Variants in PSD3 observed in about 807,000 individuals in gnomAD.
The protein encoded by PSD3 is PH and SEC7 domain-containing protein 3.
PSD3 carries 49 observed loss-of-function variants against 105.5 expected under a neutral mutation model. The ratio of observed to expected loss-of-function variants is 0.46; its 90% CI spans 0.37 to 0.59. The LOEUF (loss-of-function observed/expected upper bound fraction) is 0.59. Among genes scored for constraint, PSD3 ranks in the 20% least tolerant of loss-of-function variants. The pLI, the probability that PSD3 is intolerant of heterozygous loss-of-function variation, is 0.00. For synonymous variants in PSD3, 557 were observed against 457.8 expected (o/e 1.22, Z -2.77); for missense variants, 1,561 against 1,263.8 (o/e 1.24, Z -3.57).
At chr8:18,826,596 A>AT (rs1455761449) in intron 4 of PSD3, among the ~76,000 whole-genome samples, 1 of 152,230 alleles carries the variant, frequency 6.6e-6, no homozygotes, top group Non-Finnish European at 1.5e-5. Context: ...TCAAAGAAGG[A>AT]AAGAGTCATA....
intron 2 of PSD3, among the ~76,000 whole-genome samples, chr8:18,892,192 C>CACACAA (rs1406442031): frequency 6.6e-5 from 10 of 150,616 alleles, no homozygotes; most frequent in Non-Finnish European, 1.2e-4. Flanking sequence ...CACACACACA[C>CACACAA]AAACTTTATT....
intron 1 of PSD3, chr8:18,979,526 A>G (rs1226013332): frequency 6.6e-6 from 1 of 152,220 alleles, no homozygotes; most frequent in Non-Finnish European, 1.5e-5. Flanking sequence ...TATTTTTATT[A>G]TTTTACTACT....
At chr8:18,747,933 ACT>A (rs1451900351) in intron 9 of PSD3, among the ~76,000 whole-genome samples, 1 of 152,130 alleles carries the variant, frequency 6.6e-6, no homozygotes, top group African/African-American at 2.4e-5. Context: ...AGGAAAACAA[ACT>A]CTGGCAAGAG....
chr8:18,627,955 CAT>C (rs1308233991), intron 11 of PSD3, among the ~76,000 whole-genome samples: 1 of 151,740 alleles, frequency 6.6e-6, no homozygotes, highest in Admixed American at 6.6e-5. Context: ...TGAAGAAAAA[CAT>C]CAACCTGATA....
At chr8:18,568,045 C>T (rs1403909262) in intron 14 of PSD3, among the ~76,000 whole-genome samples, 2 of 152,170 alleles carry the variant, frequency 1.3e-5, no homozygotes, top group Non-Finnish European at 2.9e-5. Context: ...CCATGTGACA[C>T]ATCTGTTTCC....
chr8:18,546,902 G>C (rs980562297), intron 15 of PSD3, among the ~76,000 whole-genome samples: 1 of 152,142 alleles, frequency 6.6e-6, no homozygotes, highest in African/African-American at 2.4e-5. Flanking sequence ...CCATGGTTCG[G>C]GGATAAGAAT....
At chr8:18,576,918 G>C (rs1802496155) in intron 12 of PSD3, among the ~76,000 whole-genome samples, 1 of 151,248 alleles carries the variant, frequency 6.6e-6, no homozygotes, top group Non-Finnish European at 1.5e-5. Context: ...CTAGGTCCAT[G>C]ATTTAAGCTT....
chr8:19,073,550 C>CAAAAAAAAAAAAAAAAA (rs869154642), intron 1 of PSD3, among the ~76,000 whole-genome samples: 2 of 69,124 alleles, frequency 2.9e-5, no homozygotes, highest in African/African-American at 1.2e-4. Context: ...AACTGTCTCT[C>CAAAAAAAAAAAAAAAAA]AAAAAAAAAA....
rs148098961 is a variant in PSD3, at chr8:19,049,288, C to T, written c.324+34918G>A. On this transcript the variant is annotated intron_variant, in intron 1 of 1. Transcript: ENST00000521475. ...GAGCGGAGAGACTATCTCCCATCGT[C>T]GTAGTCCTACACACAAGGAAGAGGT... is the stretch of plus-strand genomic sequence containing the variant. 1.1e-4 allele frequency among the ~76,000 whole-genome samples: 17 copies of T among 152,268 alleles called. No individual in the cohort carries two copies. In the South Asian group the frequency reaches 1.5e-3, roughly 13 times the overall value.
At chr8:18,590,451 T>G (rs766833299) in intron 12 of PSD3, among the ~76,000 whole-genome samples, 1 of 152,216 alleles carries the variant, frequency 6.6e-6, no homozygotes, top group Non-Finnish European at 1.5e-5. Context: ...AAATGAATCC[T>G]TTCAGATCCT....
At chr8:18,850,339 C>T (rs1455800822) in intron 4 of PSD3, among the ~76,000 whole-genome samples, 1 of 152,224 alleles carries the variant, frequency 6.6e-6, no homozygotes, top group African/African-American at 2.4e-5. Context: ...TCCCTGGCTC[C>T]TTTCAGGTAC....
At chr8:19,063,961 G>A (rs1334329033) in intron 1 of PSD3, among the ~76,000 whole-genome samples, 1 of 151,968 alleles carries the variant, frequency 6.6e-6, no homozygotes, top group African/African-American at 2.4e-5. Flanking sequence ...GACCAACATG[G>A]TGAAACCGTA....
chr8:18,559,048 T>A (rs904009902), intron 14 of PSD3, among the ~76,000 whole-genome samples: 26 of 152,204 alleles, frequency 1.7e-4, no homozygotes, highest in African/African-American at 6.0e-4. Context: ...GGTTTCCTGT[T>A]GTGGGATTTT....
At chr8:18,708,135 G>C (rs974215861) in intron 9 of PSD3, among the ~76,000 whole-genome samples, 1 of 152,194 alleles carries the variant, frequency 6.6e-6, no homozygotes, top group Non-Finnish European at 1.5e-5. Context: ...GAGGAATCCT[G>C]ACTAATTTAC....
rs1827538489 is a variant in PSD3 at position 19,026,023 on chromosome 8, C to T, written c.324+58183G>A. 2.6e-5 allele frequency among the ~76,000 whole-genome samples: 4 copies of T among 152,314 alleles called. No homozygotes were observed. The South Asian group carries it at 8.3e-4, about 32-fold the overall frequency. On this transcript the variant is annotated intron_variant, in intron 1 of 1. Coordinates refer to the PSD3 transcript ENST00000521475. ...GAAGGAGAAACAAAGTCACATCTTA[C>T]ATGGTAGTAGGCAAGAGCACCTGTG...
chr8:18,804,461 T>G, intron 6 of PSD3, 61 bp downstream of exon 6: 1 of 1,384,796 alleles, frequency 7.2e-7, no homozygotes, highest in South Asian at 1.3e-5. Flanking sequence ...AGACATTACT[T>G]TCTTCTCTAA....
intron 2 of PSD3, among the ~76,000 whole-genome samples, chr8:18,882,035 C>T (rs990359130): frequency 1.3e-5 from 2 of 152,044 alleles, no homozygotes; most frequent in Admixed American, 1.3e-4. Context: ...AGGGAGACCC[C>T]TCCTCTACAA....
intron 2 of PSD3, among the ~76,000 whole-genome samples, 177 bp from the exon 3 acceptor site, chr8:18,872,910 T>C (rs981880750): frequency 2.0e-5 from 3 of 152,210 alleles, no homozygotes; most frequent in Non-Finnish European, 4.4e-5. Context: ...CAGTGATCCC[T>C]TCTACTCAGC....
chr8:18,752,828 G>A (rs1030165526), intron 9 of PSD3, among the ~76,000 whole-genome samples: 4 of 149,438 alleles, frequency 2.7e-5, no homozygotes, highest in African/African-American at 9.9e-5. Flanking sequence ...GGGAGTGAAA[G>A]AAAGAGCATG....
Sources: gnomAD v4.1 joint callset for allele counts (sites outside exome capture counted in the v4.1 genomes callset) on GRCh38, gnomAD v4.1.1 for gene constraint, MANE v1.5 for transcripts, NCBI Gene and HGNC (gene_info 2026-07-23, HGNC 2026-07-21) for gene names.